Variants in FRMD5 observed in about 807,000 individuals in gnomAD.
The protein encoded by FRMD5 is FERM domain-containing protein 5.
A neutral mutation model predicts 69.0 loss-of-function variants in FRMD5; 20 were observed. The observed-to-expected ratio is 0.29, with a 90% CI of 0.20 to 0.42. The LOEUF (loss-of-function observed/expected upper bound fraction) is 0.42. FRMD5 is among the 10% of genes least tolerant of loss of function. The pLI is 1.00. For missense variants in FRMD5, 595 were observed against 708.6 expected (o/e 0.84, Z 1.82); for synonymous variants, 271 against 260.1 (o/e 1.04, Z -0.40).
intron 1 of FRMD5, among the ~76,000 whole-genome samples, chr15:43,947,318 G>C (rs1275679221): frequency 6.6e-6 from 1 of 152,140 alleles, no homozygotes; most frequent in Non-Finnish European, 1.5e-5. Context: ...GCTGTGCATG[G>C]CTATACAATT....
intron 7 of FRMD5, among the ~76,000 whole-genome samples, chr15:43,896,754 A>T (rs912575297): frequency 1.3e-5 from 2 of 152,194 alleles, no homozygotes; most frequent in Non-Finnish European, 2.9e-5. Context: ...TTAGGCCTCT[A>T]GGGTCATACT....
chr15:44,132,315 C>A (rs2077113029), intron 1 of FRMD5, among the ~76,000 whole-genome samples: 3 of 152,162 alleles, frequency 2.0e-5, no homozygotes, highest in African/African-American at 7.2e-5. Context: ...CAGCACCAGT[C>A]CATGGCCCGT....
At chr15:44,104,145 G>A (rs1186572668) in intron 1 of FRMD5, among the ~76,000 whole-genome samples, 1 of 152,120 alleles carries the variant, frequency 6.6e-6, no homozygotes, top group Non-Finnish European at 1.5e-5. Flanking sequence ...TGTACGCCCA[G>A]GTTAATGTGT....
Position 44,194,987 on chromosome 15 carries a change from A to T in FRMD5, c.68T>A (p.Leu23Gln). The T allele has an allele frequency of 6.4e-7, 1 of 1,554,970 alleles. No homozygotes were observed. Among genetic ancestry groups the T allele is most frequent in the Non-Finnish European group, 8.7e-7 (1 of 1,154,792 alleles). The change falls in exon 1 of 14, where the codon CTG becomes CAG. Residue 23 changes from leucine to glutamine, a missense_variant. By Grantham distance (113) the Leu-to-Gln change is moderately radical (BLOSUM62 -2). Coordinates refer to ENST00000417257, the MANE Select transcript of FRMD5 (RefSeq NM_032892.5). The part of the protein sequence containing the change: ...LEREYSCTVR[L>Q]LDDSEYTCTI... Reference sequence around the variant, plus strand: ...GCAGGTGTACTCGCTGTCGTCCAGCAGCCGCACGGTGCAGCTGTACTCGCG... The same window carrying T: ...GCAGGTGTACTCGCTGTCGTCCAGCTGCCGCACGGTGCAGCTGTACTCGCG...
chr15:44,098,523 C>CAA (rs10660236), intron 1 of FRMD5, among the ~76,000 whole-genome samples: 2,929 of 105,170 alleles, frequency 0.028, 107 homozygotes, highest in East Asian at 0.095. Flanking sequence ...GACTCTGTCT[C>CAA]AAAAAAAAAA....
intron 1 of FRMD5, among the ~76,000 whole-genome samples, chr15:44,014,507 C>T (rs1414424841): frequency 2.6e-5 from 4 of 152,106 alleles, no homozygotes; most frequent in African/African-American, 7.2e-5. Context: ...GAGGCCGAGG[C>T]GGGAAGATTG....
intron 7 of FRMD5, 23 bp downstream of exon 7, chr15:43,902,152 A>G: frequency 6.4e-7 from 1 of 1,571,248 alleles, no homozygotes; most frequent in Non-Finnish European, 8.8e-7. Context: ...AAGGTCATGC[A>G]GTCTCCAACC....
At chr15:44,060,396 A>G (rs1893043627) in intron 1 of FRMD5, among the ~76,000 whole-genome samples, 1 of 152,208 alleles carries the variant, frequency 6.6e-6, no homozygotes, top group African/African-American at 2.4e-5. Context: ...TGAGCTCTAC[A>G]GTGACAAATT....
intron 7 of FRMD5, 123 bp from the exon 8 acceptor site, chr15:43,892,192 A>G: frequency 1.3e-6 from 1 of 787,122 alleles, no homozygotes; most frequent in Non-Finnish European, 2.1e-6. Flanking sequence ...GGAAAAGCAT[A>G]TCATCTGGAA....
At chr15:43,908,327 CAAAA>C (rs58337379) in intron 5 of FRMD5, among the ~76,000 whole-genome samples, 39 of 107,908 alleles carry the variant, frequency 3.6e-4, no homozygotes, top group Admixed American at 3.9e-4. Context: ...GATCCTGTCT[CAAAA>C]AAAAAAAAAA....
intron 1 of FRMD5, among the ~76,000 whole-genome samples, chr15:43,982,723 T>C (rs1181376708): frequency 6.6e-6 from 1 of 152,242 alleles, no homozygotes; most frequent in Non-Finnish European, 1.5e-5. Flanking sequence ...CTTTATAAAC[T>C]GTATTTTTAA....
intron 1 of FRMD5, among the ~76,000 whole-genome samples, chr15:44,189,275 C>G (rs1225874619): frequency 6.6e-6 from 1 of 152,010 alleles, no homozygotes; most frequent in Non-Finnish European, 1.5e-5. Flanking sequence ...TGTTGAAAGA[C>G]CAATATAGGG....
intron 1 of FRMD5, 70 bp from the exon 2 acceptor site, chr15:43,924,379 C>T (rs3742981): frequency 0.071 from 74,974 of 1,056,840 alleles, 4,723 homozygotes; most frequent in East Asian, 0.23. Flanking sequence ...TTTTTTATAG[C>T]CATTAAAAGT....
chr15:43,967,340 C>T (rs1287848400), intron 1 of FRMD5, among the ~76,000 whole-genome samples: 1 of 151,984 alleles, frequency 6.6e-6, no homozygotes, highest in Non-Finnish European at 1.5e-5. Flanking sequence ...TCAAGCAATA[C>T]TTCTGCCTCA....
chr15:44,088,443 C>T lies in FRMD5; in HGVS notation c.102+106510G>A, dbSNP rs538771866. On this transcript the variant is annotated intron_variant, in intron 1 of 13. Transcript: ENST00000417257. Reference sequence around the variant, plus strand: ...ATCCAACAACTTTAAGACCACTCCACGATAATTATATTTATTTAAGTAATA... The same window carrying T: ...ATCCAACAACTTTAAGACCACTCCATGATAATTATATTTATTTAAGTAATA... Among the ~76,000 whole-genome samples, 61 of 152,186 alleles carry T rather than the reference C, an allele frequency of 4.0e-4. 1 individual carries two copies. In the South Asian group the frequency reaches 0.011, roughly 28 times the overall value.
chr15:43,946,683 A>G (rs1444320810), intron 1 of FRMD5, among the ~76,000 whole-genome samples: 1 of 152,166 alleles, frequency 6.6e-6, no homozygotes, highest in African/African-American at 2.4e-5. Flanking sequence ...TTGAGGGAAG[A>G]AGTTTAATGA....
intron 1 of FRMD5, among the ~76,000 whole-genome samples, chr15:43,932,903 G>A (rs966615925): frequency 3.3e-5 from 5 of 152,194 alleles, no homozygotes; most frequent in Non-Finnish European, 7.3e-5. Flanking sequence ...GACCAGACAA[G>A]TCATTTTCAC....
intron 1 of FRMD5, among the ~76,000 whole-genome samples, chr15:44,081,984 G>C (rs546853563): frequency 6.6e-6 from 1 of 152,088 alleles, no homozygotes; most frequent in South Asian, 2.1e-4. Flanking sequence ...GCAATTGGCT[G>C]TGAAATTATT....
chr15:44,182,605 T>C (rs527837152), intron 1 of FRMD5, among the ~76,000 whole-genome samples: 2 of 150,674 alleles, frequency 1.3e-5, no homozygotes, highest in South Asian at 2.1e-4. Context: ...GGATTACAGG[T>C]GTAAGCCACC....
Sources: allele counts gnomAD v4.1 joint callset (sites outside exome capture counted in the v4.1 genomes callset), GRCh38; gene constraint gnomAD v4.1.1; transcripts MANE v1.5; gene names NCBI Gene and HGNC (gene_info 2026-07-23, HGNC 2026-07-21).